The following ETF1 variants were observed in gnomAD, a reference collection of about 807,000 sequenced individuals.
ETF1 encodes the protein eukaryotic translation termination factor 1, also known as eukaryotic peptide chain release factor subunit 1.
Under a neutral mutation model 55.1 loss-of-function variants are expected in ETF1, and 4 were observed. That is an observed-to-expected ratio of 0.07 (90% CI 0.04 to 0.17). The LOEUF is 0.17. Among genes scored for constraint, ETF1 ranks in the 10% least tolerant of loss-of-function variants. The pLI is 1.00. For missense variants in ETF1, 142 were observed against 523.6 expected (o/e 0.27, Z 7.11); for synonymous variants, 157 against 182.3 (o/e 0.86, Z 1.12).
chr5:138,513,351 C>T (rs1764891173), intron 5 of ETF1: 2 of 371,956 alleles, frequency 5.4e-6, no homozygotes, highest in Non-Finnish European at 3.7e-6. Context: ...CCTGCCTCAG[C>T]CTCACAAGTA....
chr5:138,508,592 G>A, intron 10 of ETF1, 77 bp downstream of exon 10: 1 of 1,581,158 alleles, frequency 6.3e-7, no homozygotes, highest in Non-Finnish European at 8.6e-7. Flanking sequence ...CTCACCGGAA[G>A]CAGGGCTAGG....
At chr5:138,508,459 G>C (rs1764638010) in intron 10 of ETF1, 72 bp from the exon 11 acceptor site, 1 of 1,599,012 alleles carries the variant, frequency 6.3e-7, no homozygotes, top group Non-Finnish European at 8.5e-7. Flanking sequence ...GCTGGTAAGG[G>C]AATAAGGGAA....
intron 8 of ETF1, 121 bp downstream of exon 8, chr5:138,510,924 T>G (rs1385857667): frequency 6.7e-7 from 1 of 1,497,288 alleles, no homozygotes; most frequent in Non-Finnish European, 8.9e-7. Flanking sequence ...ACTGAAGGAC[T>G]GGGGAACAAT....
intron 2 of ETF1, among the ~76,000 whole-genome samples, chr5:138,527,942 T>C (rs1765546485): frequency 6.6e-6 from 1 of 152,026 alleles, no homozygotes; most frequent in Admixed American, 6.6e-5. Flanking sequence ...CTGACTAATT[T>C]TGTATTTTTA....
chr5:138,529,804 G>C (rs1384222721), intron 2 of ETF1: 2 of 684,770 alleles, frequency 2.9e-6, no homozygotes, highest in African/African-American at 3.9e-5. Flanking sequence ...CCAGACTGGA[G>C]TGCAGTGGCA....
intron 2 of ETF1, among the ~76,000 whole-genome samples, chr5:138,534,702 C>CT (rs1765841576): frequency 6.6e-6 from 1 of 152,218 alleles, no homozygotes; most frequent in Non-Finnish European, 1.5e-5. Flanking sequence ...GGAGACGTCT[C>CT]TATTCAGCAA....
intron 2 of ETF1, chr5:138,529,598 T>G: frequency 4.1e-6 from 4 of 985,464 alleles, no homozygotes; most frequent in Non-Finnish European, 4.8e-6. Flanking sequence ...TGCACTCAGA[T>G]TCTCTTCTTG....
chr5:138,538,036 G>A (rs150446164), intron 2 of ETF1, among the ~76,000 whole-genome samples: 14,588 of 145,758 alleles, frequency 0.1, 1,371 homozygotes, highest in Non-Finnish European at 0.14. Flanking sequence ...GAGATTACAG[G>A]CATGCACCAC....
At chr5:138,521,107 TA>T (rs1299280328) in intron 2 of ETF1, among the ~76,000 whole-genome samples, 1 of 151,276 alleles carries the variant, frequency 6.6e-6, no homozygotes, top group Non-Finnish European at 1.5e-5. Context: ...GATGAACAAA[TA>T]AAAAAAAGTG....
chr5:138,517,552 A>G lies in ETF1; in HGVS notation c.402+9T>C. ...GAGCGATGAAAATGTTCTGGGTTTG[A>G]CTTCTTACCTCTGTATGGAATTTGT... On this transcript the variant is annotated intron_variant, in intron 4 of 10. Transcript: ENST00000360541. The G allele has an allele frequency of 6.5e-7, 1 of 1,546,658 alleles. No individual in the cohort carries two copies. Among genetic ancestry groups the G allele is most frequent in the Non-Finnish European group, 8.8e-7 (1 of 1,132,860 alleles).
intron 2 of ETF1, among the ~76,000 whole-genome samples, chr5:138,524,963 G>A (rs1470179150): frequency 6.6e-6 from 1 of 150,528 alleles, no homozygotes; most frequent in Non-Finnish European, 1.5e-5. Context: ...ATATGAAGAT[G>A]GTATACAAAA....
intron 4 of ETF1, among the ~76,000 whole-genome samples, chr5:138,515,948 G>C (rs557582344): frequency 6.6e-6 from 1 of 152,280 alleles, no homozygotes; most frequent in Admixed American, 6.5e-5. Flanking sequence ...GTAAACTGTC[G>C]ACAAATGTCA....
chr5:138,543,142 C>A lies in ETF1; in HGVS notation c.-64G>T. On this transcript the variant is annotated 5_prime_UTR_variant, in exon 1 of 11. Transcript: ENST00000360541. Reference sequence around the variant, plus strand: ...GGCAGCGGCTGCTCCTCCCCGGCGGCGGCTCCGCGGCGGCGGCGGCTCTGA... The same window carrying A: ...GGCAGCGGCTGCTCCTCCCCGGCGGAGGCTCCGCGGCGGCGGCGGCTCTGA... The A allele has an allele frequency of 1.7e-6, 1 of 576,608 alleles. No individual in the cohort carries two copies. The highest frequency in any genetic ancestry group is 3.0e-6 in the Non-Finnish European group (1 of 328,808). The allele number at this position is 576,608 out of a possible 1,614,324, so 35.7% of individuals were successfully genotyped here.
chr5:138,517,394 T>C (rs562171185), intron 4 of ETF1, among the ~76,000 whole-genome samples, 167 bp downstream of exon 4: 1 of 150,428 alleles, frequency 6.6e-6, no homozygotes, highest in Non-Finnish European at 1.5e-5. Context: ...AAAATAAAAA[T>C]AAAAAAATAA....
intron 7 of ETF1, 51 bp from the exon 8 acceptor site, chr5:138,511,251 A>C: frequency 6.3e-7 from 1 of 1,597,090 alleles, no homozygotes; most frequent in African/African-American, 1.3e-5. Flanking sequence ...TCCCTAGTAG[A>C]TACAAACACA....
chr5:138,510,849 T>A, intron 8 of ETF1, 196 bp downstream of exon 8: 1 of 793,114 alleles, frequency 1.3e-6, no homozygotes, highest in Non-Finnish European at 1.5e-6. Context: ...CCTCAGCAGA[T>A]GTAACAATCT....
chr5:138,535,874 CAAAAAAAAAAAAAAAA>C (rs35261297), intron 2 of ETF1, among the ~76,000 whole-genome samples: 2 of 57,836 alleles, frequency 3.5e-5, no homozygotes, highest in African/African-American at 1.5e-4. Context: ...GACTCCGCCT[CAAAAAAAAAAAAAAAA>C]AAAAAAAAAA....
In ETF1 at chr5:138,506,728, CCCTT is replaced by C. The variant is rs1421418862; in HGVS notation, c.*1573_*1576del. On this transcript the variant is annotated 3_prime_UTR_variant, in exon 11 of 11. Coordinates refer to ENST00000360541, the MANE Select transcript of ETF1 (RefSeq NM_004730.4). ...AGAAACTTTACATTTAAGACATACT[CCCTT>C]CATTCAAGTGAAACAGGATTATTGG... 6.6e-6 allele frequency: 1 copy of C among 152,604 alleles called. No homozygotes were observed. Among genetic ancestry groups the C allele is most frequent in the Non-Finnish European group, 1.5e-5 (1 of 68,034 alleles). 9.5% of individuals were successfully genotyped at this position (152,604 alleles called of 1,614,324 possible).
chr5:138,521,978 G>A (rs1306245357), intron 2 of ETF1, among the ~76,000 whole-genome samples: 2 of 152,076 alleles, frequency 1.3e-5, no homozygotes, highest in Non-Finnish European at 2.9e-5. Flanking sequence ...TTCTCATCCT[G>A]ATTTTTCTTA....
Sources: gnomAD v4.1 joint callset for allele counts (sites outside exome capture counted in the v4.1 genomes callset) on GRCh38, gnomAD v4.1.1 for gene constraint, MANE v1.5 for transcripts, NCBI Gene and HGNC (gene_info 2026-07-23, HGNC 2026-07-21) for gene names.